KIAA1217: variants seen among roughly 807,000 people sequenced by gnomAD.
KIAA1217 encodes sickle tail protein homolog.
Under a neutral mutation model 163.9 loss-of-function variants are expected in KIAA1217, and 88 were observed. The ratio of observed to expected loss-of-function variants is 0.54; its 90% CI spans 0.45 to 0.64. The LOEUF is 0.64. Among genes scored for constraint, KIAA1217 ranks in the 30% least tolerant of loss-of-function variants. The probability of loss-of-function intolerance (pLI) is 0.00; values close to 1 mark genes in which losing one functional copy is unlikely to be tolerated. For synonymous variants in KIAA1217, 903 were observed against 923.1 expected, an observed-to-expected ratio of 0.98 and a Z score of 0.39; for missense variants, 2,372 against 2,475.0, an observed-to-expected ratio of 0.96 and a Z score of 0.88.
chr10:24,061,117 T>A (rs878879093), intron 2 of KIAA1217, among the ~76,000 whole-genome samples: 1 of 152,200 alleles, frequency 6.6e-6, no homozygotes, highest in Non-Finnish European at 1.5e-5. Flanking sequence ...TTTTAAAAAA[T>A]TAATATGTTT....
At chr10:24,122,613 A>C (rs2063325547) in intron 2 of KIAA1217, among the ~76,000 whole-genome samples, 1 of 152,160 alleles carries the variant, frequency 6.6e-6, no homozygotes, top group Non-Finnish European at 1.5e-5. Context: ...ACACACATTG[A>C]AACTAGAATG....
At chr10:24,216,347 T>A (rs887053029) in intron 1 of KIAA1217, among the ~76,000 whole-genome samples, 1 of 152,210 alleles carries the variant, frequency 6.6e-6, no homozygotes, top group Non-Finnish European at 1.5e-5. Flanking sequence ...CTGCCGTTAT[T>A]GCCGTTGGAC....
chr10:24,277,184 A>C (rs1415581223), intron 2 of KIAA1217, among the ~76,000 whole-genome samples: 1 of 152,202 alleles, frequency 6.6e-6, no homozygotes, highest in Admixed American at 6.5e-5. Flanking sequence ...GCCTGATTGG[A>C]AGGTGGCAGC....
At chr10:23,891,653 T>C (rs188032445) in intron 1 of KIAA1217, among the ~76,000 whole-genome samples, 9 of 152,132 alleles carry the variant, frequency 5.9e-5, no homozygotes, top group African/African-American at 2.2e-4. Context: ...GTTGTACTTT[T>C]TGTTGTCCAC....
chr10:23,795,856 T>C (rs2130944129), intron 1 of KIAA1217, among the ~76,000 whole-genome samples: 2 of 152,244 alleles, frequency 1.3e-5, no homozygotes, highest in East Asian at 3.8e-4. Context: ...GAAGATATGT[T>C]AAGATGTTAT....
chr10:24,527,281 C>A (rs1212606948), intron 13 of KIAA1217, among the ~76,000 whole-genome samples: 2 of 151,032 alleles, frequency 1.3e-5, no homozygotes, highest in Non-Finnish European at 3.0e-5. Flanking sequence ...GCTTGGACAT[C>A]TCTTCTACAA....
chr10:24,306,058 G>T (rs11014013), intron 2 of KIAA1217, among the ~76,000 whole-genome samples: 13,957 of 152,178 alleles, frequency 0.092, 1,016 homozygotes, highest in East Asian at 0.22. Context: ...GGTTGAGTTA[G>T]TCTCTTATTA....
At chr10:23,783,958 A>G (rs1473971446) in intron 1 of KIAA1217, among the ~76,000 whole-genome samples, 2 of 150,472 alleles carry the variant, frequency 1.3e-5, no homozygotes, top group Non-Finnish European at 3.0e-5. Flanking sequence ...CTTTTTTCTT[A>G]GGCTAAGGTT....
At chr10:24,539,819 C>T (rs1424447235) in intron 17 of KIAA1217, among the ~76,000 whole-genome samples, 1 of 152,184 alleles carries the variant, frequency 6.6e-6, no homozygotes, top group African/African-American at 2.4e-5. Context: ...TTTTCTTAAG[C>T]ATTTTTTCTC....
intron 3 of KIAA1217, among the ~76,000 whole-genome samples, chr10:24,410,028 A>G: frequency 8.6e-6 from 1 of 116,402 alleles, no homozygotes; most frequent in South Asian, 2.5e-4. Context: ...ACAGGGTCTC[A>G]TTCTGTCGCC....
chr10:23,873,349 T>C (rs986864716), intron 1 of KIAA1217, among the ~76,000 whole-genome samples: 2 of 152,020 alleles, frequency 1.3e-5, no homozygotes, highest in Non-Finnish European at 2.9e-5. Context: ...AATTAGAATA[T>C]TTTTCTGAAA....
intron 5 of KIAA1217, among the ~76,000 whole-genome samples, chr10:24,452,796 T>A (rs1056738250): frequency 2.7e-5 from 4 of 150,034 alleles, no homozygotes; most frequent in African/African-American, 7.3e-5. Context: ...AGAGTATAGC[T>A]GAAATGTTGT....
At chr10:23,864,230 T>C (rs1487260201) in intron 1 of KIAA1217, among the ~76,000 whole-genome samples, 2 of 151,898 alleles carry the variant, frequency 1.3e-5, no homozygotes, top group African/African-American at 2.4e-5. Flanking sequence ...TACACTATGC[T>C]CTTATTGTGC....
chr10:24,059,409 G>A (rs774880011), intron 2 of KIAA1217, among the ~76,000 whole-genome samples: 6 of 152,144 alleles, frequency 3.9e-5, no homozygotes, highest in Admixed American at 6.5e-5. Flanking sequence ...GTTTGGAAAT[G>A]TTCTCACTTC....
rs760380723 is a variant in KIAA1217, at chr10:24,524,384, A to G, written c.2518A>G (p.Met840Val). The G allele has an allele frequency of 6.2e-7, 1 of 1,614,234 alleles. No individual in the cohort carries two copies. The highest frequency in any genetic ancestry group is 1.1e-5 in the South Asian group (1 of 91,090). ...AGCCCAAGCCGCACAGTACATGGCT[A>G]TGGAAAAGGCCACAGCCGCAGAAGT... The part of the protein sequence containing the change: ...DAAQAAQYMA[M>V]EKATAAEVLK... The change falls in exon 13 of 21, where the codon ATG becomes GTG. Residue 840 changes from methionine (M) to valine (V), a missense_variant. Coordinates refer to ENST00000376454, the MANE Select transcript of KIAA1217 (RefSeq NM_019590.5).
chr10:24,047,067 G>C (rs1016085983), intron 2 of KIAA1217, among the ~76,000 whole-genome samples: 1 of 152,188 alleles, frequency 6.6e-6, no homozygotes, highest in African/African-American at 2.4e-5. Context: ...AAGTGGGAAA[G>C]GATGAGAACA....
rs374089576 is a variant in KIAA1217, at chr10:24,381,008, G to A, written c.494G>A (p.Arg165Gln). ...DAPTPFSRGS[R>Q]TRASLPVVRS... Reference sequence around the variant, plus strand: ...CCAACCCCTTTTTCCAGAGGCAGCCGGACTCGTGCGAGCCTTCCTGTGGTG... The same window carrying A: ...CCAACCCCTTTTTCCAGAGGCAGCCAGACTCGTGCGAGCCTTCCTGTGGTG... The change falls in exon 3 of 21, where the codon CGG (arginine) becomes CAG (glutamine). Residue 165 changes from arginine to glutamine, a missense_variant. By Grantham distance (43) the Arg-to-Gln change is conservative. This residue lies in a region of KIAA1217 where 1,431 missense variants were observed against 1,470.3 expected (regional missense o/e 0.97). Transcript: ENST00000376454. 25 of 1,608,158 alleles carry A rather than the reference G, an allele frequency of 1.6e-5. No homozygotes were observed. Among genetic ancestry groups the A allele is most frequent in the Admixed American group, 6.8e-5 (4 of 59,216 alleles).
intron 1 of KIAA1217, among the ~76,000 whole-genome samples, chr10:23,961,903 A>G (rs1471844608): frequency 1.3e-5 from 2 of 152,012 alleles, no homozygotes; most frequent in East Asian, 3.9e-4. Context: ...TTTTCCCTCT[A>G]TGTACCTGTT....
chr10:24,430,465 T>G (rs2131739969), intron 3 of KIAA1217, among the ~76,000 whole-genome samples: 1 of 152,284 alleles, frequency 6.6e-6, no homozygotes, highest in Middle Eastern at 3.4e-3. Context: ...TGGACAGGGT[T>G]AGGGGGAGAT....
Sources: allele counts gnomAD v4.1 joint callset (sites outside exome capture counted in the v4.1 genomes callset), GRCh38; gene constraint gnomAD v4.1.1; regional missense constraint gnomAD v4.1.1; transcripts MANE v1.5; gene names NCBI Gene and HGNC (gene_info 2026-07-23, HGNC 2026-07-21).